CSMD1: variants seen among roughly 807,000 people sequenced by gnomAD.
The protein encoded by CSMD1 is CUB and Sushi multiple domains 1, also known as CUB and sushi domain-containing protein 1.
In CSMD1, 213 loss-of-function variants were observed where a neutral mutation model predicts 417.5. That is an observed-to-expected ratio of 0.51 (90% CI 0.46 to 0.57). The LOEUF (loss-of-function observed/expected upper bound fraction) is 0.57, where lower values mean the gene tolerates loss of function less well. Among genes scored for constraint, CSMD1 ranks in the 20% least tolerant of loss-of-function variants. The pLI, the probability that CSMD1 is intolerant of heterozygous loss-of-function variation, is 0.00. For synonymous variants in CSMD1, 2,862 were observed against 1,736.8 expected, an observed-to-expected ratio of 1.65 and a Z score of -16.11; for missense variants, 6,923 against 4,529.7, an observed-to-expected ratio of 1.53 and a Z score of -15.17.
intron 3 of CSMD1, among the ~76,000 whole-genome samples, chr8:4,240,741 T>C (rs1802349839): frequency 6.6e-6 from 1 of 152,204 alleles, no homozygotes; most frequent in African/African-American, 2.4e-5. Context: ...CTCTTCCTTT[T>C]TTCTGTGCCC....
intron 5 of CSMD1, among the ~76,000 whole-genome samples, chr8:3,980,449 C>G (rs539537352): frequency 2.8e-4 from 42 of 152,274 alleles, no homozygotes; most frequent in Non-Finnish European, 2.9e-5. Flanking sequence ...ACATCTTACA[C>G]GTTTGTGAAG....
At chr8:3,329,119 A>G (rs919228628) in intron 23 of CSMD1, among the ~76,000 whole-genome samples, 3 of 152,132 alleles carry the variant, frequency 2.0e-5, no homozygotes, top group African/African-American at 7.2e-5. Context: ...TTGGCATAGA[A>G]TGGAGGTGGA....
chr8:4,651,309 G>GA (rs142629908), intron 1 of CSMD1, among the ~76,000 whole-genome samples: 39 of 151,864 alleles, frequency 2.6e-4, no homozygotes, highest in African/African-American at 9.2e-4. Flanking sequence ...GGTATTTCCA[G>GA]AAAAAAAAGT....
At position 4,943,799 on chromosome 8, in the gene CSMD1, CT is replaced by C. The variant is rs1447053013; in HGVS notation, c.85+50532del. Among the ~76,000 whole-genome samples the C allele has an allele frequency of 2.0e-5, 3 of 152,228 alleles. No individual in the cohort carries two copies. In the East Asian group the frequency reaches 5.8e-4, roughly 29 times the overall value. ...GAAAATTGCATGTTAGAAAAAATCC[CT>C]TATGAACGAAGATTTGACAGCATCA... On this transcript the variant is annotated intron_variant, in intron 1 of 69. Transcript: ENST00000635120.
chr8:3,287,451 A>G (rs1188620460), intron 25 of CSMD1, among the ~76,000 whole-genome samples: 1 of 152,140 alleles, frequency 6.6e-6, no homozygotes, highest in Admixed American at 6.6e-5. Flanking sequence ...ATGTTCTTCC[A>G]TTTGTTTGTA....
At chr8:4,951,913 T>C (rs903145310) in intron 1 of CSMD1, among the ~76,000 whole-genome samples, 2 of 151,590 alleles carry the variant, frequency 1.3e-5, no homozygotes, top group African/African-American at 4.8e-5. Flanking sequence ...TATTTATATA[T>C]TTAGAAAAAA....
intron 30 of CSMD1, among the ~76,000 whole-genome samples, chr8:3,213,643 C>G (rs561983550): frequency 6.6e-6 from 1 of 150,940 alleles, no homozygotes; most frequent in South Asian, 2.1e-4. Context: ...TTTTTTCTCT[C>G]TATATATATA....
intron 3 of CSMD1, among the ~76,000 whole-genome samples, chr8:4,385,853 A>C (rs906855819): frequency 4.6e-5 from 7 of 152,182 alleles, no homozygotes; most frequent in Admixed American, 3.3e-4. Context: ...TAAAATCTGG[A>C]TATTTAAAAA....
At chr8:3,689,793 A>G (rs1800140189) in intron 7 of CSMD1, among the ~76,000 whole-genome samples, 1 of 152,196 alleles carries the variant, frequency 6.6e-6, no homozygotes, top group African/African-American at 2.4e-5. Context: ...TCACAAAGTT[A>G]CAGTCTATTC....
intron 1 of CSMD1, among the ~76,000 whole-genome samples, chr8:4,914,892 G>C (rs1451602609): frequency 6.6e-6 from 1 of 151,960 alleles, no homozygotes; most frequent in Non-Finnish European, 1.5e-5. Flanking sequence ...AAAGACATGG[G>C]GTATTCCCAA....
intron 3 of CSMD1, among the ~76,000 whole-genome samples, chr8:4,238,059 A>G (rs890323521): frequency 1.3e-5 from 2 of 152,124 alleles, no homozygotes; most frequent in Admixed American, 1.3e-4. Context: ...TTTCTACCCT[A>G]GGAGGCCTCA....
At chr8:3,015,770 A>C (rs560687327) in intron 52 of CSMD1, among the ~76,000 whole-genome samples, 10 of 152,228 alleles carry the variant, frequency 6.6e-5, no homozygotes, top group African/African-American at 1.9e-4. Flanking sequence ...GTAACCATGG[A>C]AACAGGGAAA....
intron 1 of CSMD1, among the ~76,000 whole-genome samples, chr8:4,678,321 G>C (rs1004933615): frequency 6.6e-6 from 1 of 151,958 alleles, no homozygotes; most frequent in Non-Finnish European, 1.5e-5. Context: ...TGAGGCATGA[G>C]AATAACCTGA....
intron 3 of CSMD1, among the ~76,000 whole-genome samples, chr8:4,387,744 AC>A (rs1803553187): frequency 6.6e-6 from 1 of 152,050 alleles, no homozygotes; most frequent in Non-Finnish European, 1.5e-5. Flanking sequence ...TATTTCTACA[AC>A]ATATTCAAAA....
At chr8:3,833,148 T>C (rs1802468364) in intron 5 of CSMD1, among the ~76,000 whole-genome samples, 1 of 152,176 alleles carries the variant, frequency 6.6e-6, no homozygotes, top group Non-Finnish European at 1.5e-5. Flanking sequence ...ACTTCCTCTC[T>C]TTAAAATTTC....
intron 10 of CSMD1, among the ~76,000 whole-genome samples, chr8:3,562,165 C>T (rs1416131474): frequency 6.6e-6 from 1 of 151,388 alleles, no homozygotes; most frequent in East Asian, 1.9e-4. Context: ...GTAAATAATA[C>T]AGTAGTAGGT....
intron 1 of CSMD1, among the ~76,000 whole-genome samples, chr8:4,676,791 C>G (rs1056596871): frequency 2.1e-4 from 32 of 151,838 alleles, no homozygotes; most frequent in African/African-American, 7.0e-4. Context: ...TTCTCTTCAG[C>G]GAGTTGCTCA....
chr8:4,532,383 G>T (rs184092689), intron 2 of CSMD1, among the ~76,000 whole-genome samples: 1 of 150,124 alleles, frequency 6.7e-6, no homozygotes, highest in Admixed American at 6.6e-5. Flanking sequence ...CTCCAGAAGA[G>T]AAATCCTGCA....
chr8:3,517,645 C>G (rs1173164827), intron 10 of CSMD1, among the ~76,000 whole-genome samples: 6 of 152,112 alleles, frequency 3.9e-5, no homozygotes, highest in Non-Finnish European at 7.4e-5. Context: ...AAAAGGCTTT[C>G]TGAAAGAATT....
Sources: gnomAD v4.1 joint callset for allele counts (sites outside exome capture counted in the v4.1 genomes callset) on GRCh38, gnomAD v4.1.1 for gene constraint, MANE v1.5 for transcripts, NCBI Gene and HGNC (gene_info 2026-07-23, HGNC 2026-07-21) for gene names.